Variants in PDXK observed in about 807,000 individuals in gnomAD.
The protein encoded by PDXK is pyridoxal kinase.
PDXK carries 15 observed loss-of-function variants against 43.2 expected under a neutral mutation model. The ratio of observed to expected loss-of-function variants is 0.35; its 90% confidence interval spans 0.23 to 0.53. PDXK has a LOEUF of 0.53. Ranked by LOEUF, PDXK falls within the 20% of genes least tolerant of loss-of-function variation. The pLI is 0.92. For missense variants in PDXK, 343 were observed against 417.0 expected (o/e 0.82, Z 1.54); for synonymous variants, 172 against 165.4 (o/e 1.04, Z -0.31).
rs2083881486 is a variant in PDXK at position 43,758,104 on chromosome 21, G to A, written c.*2041G>A. 6.5e-6 allele frequency: 1 copy of A among 153,656 alleles called. No individual in the cohort carries two copies. Among genetic ancestry groups the A allele is most frequent in the Non-Finnish European group, 1.5e-5 (1 of 68,030 alleles). The allele number at this position is 153,656 out of a possible 1,614,324, so 9.5% of individuals were successfully genotyped here. ...CATGAGAACGCAGTGTCAGGTGTGG[G>A]ACTCCTTCTGCCCCTGCAGTGGGTG... is the stretch of plus-strand genomic sequence containing the variant. On this transcript the variant is annotated 3_prime_UTR_variant, in exon 11 of 11. Transcript: ENST00000291565.
intron 10 of PDXK, 76 bp downstream of exon 10, chr21:43,755,840 C>A: frequency 6.7e-7 from 1 of 1,484,962 alleles, no homozygotes; most frequent in Non-Finnish European, 9.4e-7. Flanking sequence ...CTGGCACGTG[C>A]TGGTTTTGAA....
chr21:43,741,603 G>A (rs774461793), intron 2 of PDXK, 64 bp from the exon 3 acceptor site: 4 of 1,589,536 alleles, frequency 2.5e-6, no homozygotes, highest in East Asian at 2.2e-5. Context: ...CGGGTGTCAA[G>A]GGAAGCCCAC....
chr21:43,749,004 G>A lies in PDXK; in HGVS notation c.388G>A (p.Glu130Lys), dbSNP rs1483232318. ...WDGEGSMYVP[E>K]DLLPVYKEKV... ...CTCCTTTGTTGGCCAGTACGTCCCG[G>A]AGGACCTCCTTCCCGTCTACAAAGA... Residue 130 changes from glutamate to lysine, a missense_variant, in exon 6 of 11, where the codon GAG becomes AAG. Physicochemically the swap from Glu to Lys is moderately conservative, Grantham distance 56. Transcript: ENST00000291565. 5 of 1,609,412 alleles carry A rather than the reference G, an allele frequency of 3.1e-6. No homozygotes were observed. Among genetic ancestry groups the A allele is most frequent in the Non-Finnish European group, 4.3e-6 (5 of 1,175,828 alleles).
chr21:43,749,261 C>A (rs142950288), intron 6 of PDXK, among the ~76,000 whole-genome samples, 181 bp downstream of exon 6: 3 of 152,128 alleles, frequency 2.0e-5, no homozygotes, highest in African/African-American at 7.2e-5. Flanking sequence ...TGAGCCACCA[C>A]GCCCGGCTAA....
In PDXK at chr21:43,754,565, G is replaced by C. The variant is rs1393630241; in HGVS notation, c.759+846G>C. 6.6e-6 allele frequency among the ~76,000 whole-genome samples: 1 copy of C among 152,156 alleles called. No individual in the cohort carries two copies. Among genetic ancestry groups the C allele is most frequent in the Non-Finnish European group, 1.5e-5 (1 of 68,004 alleles). On this transcript the variant is annotated intron_variant, in intron 9 of 10. Transcript: ENST00000291565. The surrounding 1 kb of genome is among the most constrained non-coding windows in gnomAD (Gnocchi z 5.5). ...CAGAGCCGTGCTGTGCTCTGAGGTGGTCCCCAGCCCCTGGGCTCAGCCCCC... is the reference window on the plus strand; with the variant it reads ...CAGAGCCGTGCTGTGCTCTGAGGTGCTCCCCAGCCCCTGGGCTCAGCCCCC...
intron 1 of PDXK, among the ~76,000 whole-genome samples, chr21:43,724,611 A>G (rs762402): frequency 0.72 from 108,056 of 150,974 alleles, 38,842 homozygotes; most frequent in South Asian, 0.83. Flanking sequence ...GGAGGCCGAG[A>G]TGGGGGGATC....
intron 2 of PDXK, among the ~76,000 whole-genome samples, chr21:43,739,460 A>G (rs1428935347): frequency 6.6e-6 from 1 of 152,164 alleles, no homozygotes; most frequent in Non-Finnish European, 1.5e-5. Flanking sequence ...GTAAAGGAAA[A>G]AGGTTTAATG....
chr21:43,754,329 G>T lies in PDXK; in HGVS notation c.759+610G>T, dbSNP rs1229116058. Among the ~76,000 whole-genome samples the T allele has an allele frequency of 6.6e-6, 1 of 152,170 alleles. No homozygotes were observed. Among genetic ancestry groups the T allele is most frequent in the Non-Finnish European group, 1.5e-5 (1 of 68,018 alleles). On this transcript the variant is annotated intron_variant, in intron 9 of 10. Coordinates refer to ENST00000291565, the MANE Select transcript of PDXK (RefSeq NM_003681.5). The surrounding 1 kb of genome is among the most constrained non-coding windows in gnomAD (Gnocchi z 5.5). The stretch of plus-strand genomic sequence containing the variant: ...GTGGGACTGTTGGGCAACTGACATG[G>T]CAGGTTGGGATGTGGGGTCTCGTGA...
chr21:43,745,206 A>G (rs1462808788), intron 4 of PDXK, among the ~76,000 whole-genome samples: 1 of 152,098 alleles, frequency 6.6e-6, no homozygotes, highest in Non-Finnish European at 1.5e-5. Flanking sequence ...GATCACCTGA[A>G]GTCAGGTGTT....
rs375103207 is a variant in PDXK at position 43,741,752 on chromosome 21, A to G, written c.228A>G (p.Lys76=). The part of the protein sequence containing the change: ...YEGLRLNNMN[K]YDYVLTGYTR... ...GCCTGAGGCTGAACAACATGAATAAATATGACTACGTGCTCACAGGTAGGT... is the reference window on the plus strand; with the variant it reads ...GCCTGAGGCTGAACAACATGAATAAGTATGACTACGTGCTCACAGGTAGGT... Residue 76 remains lysine, a synonymous_variant, in exon 3 of 11, where the codon AAA becomes AAG. Transcript: ENST00000291565. 6.2e-6 allele frequency: 10 copies of G among 1,609,414 alleles called. No homozygotes were observed. Among genetic ancestry groups the G allele is most frequent in the Non-Finnish European group, 7.6e-6 (9 of 1,176,540 alleles).
Position 43,756,385 on chromosome 21 carries a change from C to T in PDXK, c.*322C>T, listed in dbSNP as rs1227085118. On this transcript the variant is annotated 3_prime_UTR_variant, in exon 11 of 11. Transcript: ENST00000291565. ...TGAGTGGGTGAGGCCGAGCCTGCTG[C>T]GTGTGGAGCCTCGAGTGGGCCCTGG... 2.5e-5 allele frequency: 7 copies of T among 284,052 alleles called. No individual in the cohort carries two copies. Among genetic ancestry groups the T allele is most frequent in the Admixed American group, 4.8e-5 (1 of 20,778 alleles). 17.6% of individuals were successfully genotyped at this position (284,052 alleles called of 1,614,324 possible).
chr21:43,741,877 T>A (rs2083539930), intron 3 of PDXK, 106 bp downstream of exon 3: 2 of 746,918 alleles, frequency 2.7e-6, no homozygotes, highest in Non-Finnish European at 4.6e-6. Flanking sequence ...CTCGGGTCCC[T>A]GCCCCTTCAA....
At position 43,736,432 on chromosome 21, in the gene PDXK, G is replaced by A. The variant is rs529305093; in HGVS notation, c.142+2309G>A. Among the ~76,000 whole-genome samples the A allele has an allele frequency of 5.3e-5, 8 of 152,234 alleles. No homozygotes were observed. In the East Asian group the frequency reaches 5.8e-4, roughly 11 times the overall value. On this transcript the variant is annotated intron_variant, in intron 2 of 10. Coordinates refer to ENST00000291565, the MANE Select transcript of PDXK (RefSeq NM_003681.5). The stretch of plus-strand genomic sequence containing the variant: ...CACGTGAGCCCAGCCACAAGCAGCC[G>A]TGCGGACACTCGGGCCGTTTCCACT...
At chr21:43,721,712 A>G (rs1440676142) in intron 1 of PDXK, 2 of 152,230 alleles carry the variant, frequency 1.3e-5, no homozygotes, top group African/African-American at 4.8e-5. Flanking sequence ...GGGTACACCT[A>G]TTGCCAGGGA....
chr21:43,748,985 TG>T lies in PDXK; in HGVS notation c.379-9del, dbSNP rs1568989369. The T allele has an allele frequency of 6.3e-7, 1 of 1,581,528 alleles. No individual in the cohort carries two copies. Among genetic ancestry groups the T allele is most frequent in the East Asian group, 2.2e-5 (1 of 44,648 alleles). ...ACTCAGCCTCTCCTCCTGTCTCCTT[TG>T]TTGGCCAGTACGTCCCGGAGGACCT... is the stretch of plus-strand genomic sequence containing the variant. On this transcript the variant is annotated splice_polypyrimidine_tract_variant and intron_variant, in intron 5 of 10. Transcript: ENST00000291565.
intron 1 of PDXK, among the ~76,000 whole-genome samples, chr21:43,731,397 C>A (rs543675312): frequency 6.6e-6 from 1 of 152,240 alleles, no homozygotes; most frequent in African/African-American, 2.4e-5. Context: ...TTCACCCACA[C>A]TCAGGGGGTT....
intron 1 of PDXK, among the ~76,000 whole-genome samples, chr21:43,722,981 G>A (rs1035342733): frequency 6.6e-6 from 1 of 152,008 alleles, no homozygotes; most frequent in South Asian, 2.1e-4. Context: ...GGGACCACAG[G>A]CGCCCGCCAC....
At chr21:43,728,171 G>C (rs917087425) in intron 1 of PDXK, among the ~76,000 whole-genome samples, 1 of 152,140 alleles carries the variant, frequency 6.6e-6, no homozygotes, top group Non-Finnish European at 1.5e-5. Flanking sequence ...TGGGGGGCTC[G>C]GGGCCATTTC....
rs751704735 is a variant in PDXK at position 43,743,684 on chromosome 21, C to G, written c.248-40C>G. The G allele has an allele frequency of 7.9e-6, 11 of 1,384,476 alleles. No homozygotes were observed. In the East Asian group the frequency reaches 2.5e-4, roughly 32 times the overall value. 85.8% of individuals were successfully genotyped at this position (1,384,476 alleles called of 1,614,324 possible). A position where few individuals can be genotyped will look rare whatever the true frequency, so the allele number is the denominator to read the frequency against. On this transcript the variant is annotated intron_variant, in intron 3 of 10. Transcript: ENST00000291565. Reference sequence around the variant, plus strand: ...TGTGCCACAGTTGATCGTGGTGAGTCTCCTGTTTTCTGAGGGTGACCTGGA... The same window carrying G: ...TGTGCCACAGTTGATCGTGGTGAGTGTCCTGTTTTCTGAGGGTGACCTGGA...
Sources: gnomAD v4.1 joint callset for allele counts (sites outside exome capture counted in the v4.1 genomes callset) on GRCh38, gnomAD v4.1.1 for gene constraint, Gnocchi (gnomAD v3.1) non-coding constraint, MANE v1.5 for transcripts, NCBI Gene and HGNC (gene_info 2026-07-23, HGNC 2026-07-21) for gene names.